Variants in OPCML observed in about 807,000 individuals in gnomAD.
OPCML encodes the protein opioid-binding protein/cell adhesion molecule.
Under a neutral mutation model 37.8 loss-of-function variants are expected in OPCML, and 13 were observed. The observed-to-expected ratio is 0.34, with a 90% CI of 0.22 to 0.55. OPCML has a LOEUF of 0.55. OPCML is among the 20% of genes least tolerant of loss of function. The pLI is 0.91. For missense variants in OPCML, 341 were observed against 435.6 expected (o/e 0.78, Z 1.93); for synonymous variants, 176 against 168.8 (o/e 1.04, Z -0.33).
chr11:132,681,016 CAAGA>C (rs2135851720), intron 2 of OPCML, among the ~76,000 whole-genome samples: 1 of 152,338 alleles, frequency 6.6e-6, no homozygotes, highest in South Asian at 2.1e-4. Flanking sequence ...CCCCTCCAGC[CAAGA>C]ATGGCTGGCA....
chr11:132,918,552 G>T (rs1014817520), intron 2 of OPCML, among the ~76,000 whole-genome samples: 2 of 152,140 alleles, frequency 1.3e-5, no homozygotes, highest in Admixed American at 6.5e-5. Flanking sequence ...TGTATCAAAA[G>T]CAGGGGTCTT....
intron 1 of OPCML, among the ~76,000 whole-genome samples, chr11:133,151,816 A>G (rs542378013): frequency 6.6e-6 from 1 of 152,214 alleles, no homozygotes; most frequent in East Asian, 1.9e-4. Flanking sequence ...TCTAGATTTC[A>G]GCAAAAATCT....
Position 132,651,394 on chromosome 11 carries a change from G to A in OPCML, c.379+5693C>T, listed in dbSNP as rs554438760. Among the ~76,000 whole-genome samples the A allele has an allele frequency of 1.8e-4, 28 of 152,262 alleles. No individual in the cohort carries two copies. The South Asian group carries it at 5.6e-3, about 30-fold the overall frequency. On this transcript the variant is annotated intron_variant, in intron 3 of 7. Transcript: ENST00000524381. ...GGGAAGCATAATCAAAAGAGATAAT[G>A]CATATAAAGTACCTTGTTAACTGTT...
intron 2 of OPCML, among the ~76,000 whole-genome samples, chr11:132,757,680 G>A (rs957408624): frequency 2.0e-5 from 3 of 152,046 alleles, no homozygotes; most frequent in African/African-American, 4.8e-5. Context: ...TAAGTTCCTT[G>A]TAGATTCGGG....
intron 1 of OPCML, among the ~76,000 whole-genome samples, chr11:133,312,358 A>AGG (rs1943084291): frequency 6.6e-6 from 1 of 152,220 alleles, no homozygotes; most frequent in Non-Finnish European, 1.5e-5. Flanking sequence ...CCGCATTGTG[A>AGG]GACTTGTTTC....
intron 3 of OPCML, among the ~76,000 whole-genome samples, chr11:132,615,579 C>A (rs1043008594): frequency 6.6e-6 from 1 of 151,894 alleles, no homozygotes; most frequent in Non-Finnish European, 1.5e-5. Flanking sequence ...GTAGCATTTA[C>A]ATTTATTAGG....
intron 1 of OPCML, among the ~76,000 whole-genome samples, chr11:132,965,630 T>C (rs1946196873): frequency 6.6e-6 from 1 of 152,154 alleles, no homozygotes; most frequent in Non-Finnish European, 1.5e-5. Flanking sequence ...CCTCCTGAGT[T>C]CAAGCGATTC....
intron 1 of OPCML, among the ~76,000 whole-genome samples, chr11:133,216,776 G>A (rs1939601265): frequency 6.6e-6 from 1 of 152,090 alleles, no homozygotes; most frequent in Non-Finnish European, 1.5e-5. Flanking sequence ...GTACATTCAT[G>A]CATATGAACA....
chr11:133,199,743 A>G (rs530956315), intron 1 of OPCML, among the ~76,000 whole-genome samples: 3 of 152,210 alleles, frequency 2.0e-5, no homozygotes, highest in African/African-American at 7.2e-5. Context: ...ATTAATGCTA[A>G]CTACCAACAC....
chr11:132,816,758 T>C (rs1591648368), intron 2 of OPCML, among the ~76,000 whole-genome samples: 1 of 152,182 alleles, frequency 6.6e-6, no homozygotes, highest in South Asian at 2.1e-4. Context: ...GCTTCTCTTG[T>C]TCATTTTAGG....
At position 132,847,410 on chromosome 11, in the gene OPCML, A is replaced by T. The variant is rs1941596497; in HGVS notation, c.146+95516T>A. Among the ~76,000 whole-genome samples, 3 of 152,220 alleles carry T rather than the reference A, an allele frequency of 2.0e-5. No homozygotes were observed. The East Asian group carries it at 5.8e-4, about 29-fold the overall frequency. On this transcript the variant is annotated intron_variant, in intron 2 of 7. Coordinates refer to ENST00000524381, the MANE Select transcript of OPCML (RefSeq NM_001012393.5). The stretch of plus-strand genomic sequence containing the variant: ...ATATTAATTTGTACGTAGTTATTCA[A>T]ATTAAAAACAGCAAGAAAGACCACA...
At chr11:133,436,392 C>T (rs1946234383) in intron 1 of OPCML, among the ~76,000 whole-genome samples, 1 of 152,162 alleles carries the variant, frequency 6.6e-6, no homozygotes, top group Non-Finnish European at 1.5e-5. Flanking sequence ...GATCGGTCCC[C>T]TCATCCCAAG....
intron 1 of OPCML, among the ~76,000 whole-genome samples, chr11:132,956,189 T>C (rs10894628): frequency 0.27 from 41,108 of 152,058 alleles, 6,092 homozygotes; most frequent in Admixed American, 0.33. Flanking sequence ...CAGTTTGTTT[T>C]GTGCCCATAC....
rs192525336 is a variant in OPCML, at chr11:133,394,468, T to C, written c.61+137796A>G. ...ATAATTAAATTATTTTTGACTATAG[T>C]CACCTTGTTGTACTGTCAAATAATA... is the stretch of plus-strand genomic sequence containing the variant. On this transcript the variant is annotated intron_variant, in intron 1 of 7. Coordinates refer to ENST00000524381, the MANE Select transcript of OPCML (RefSeq NM_001012393.5). Among the ~76,000 whole-genome samples the C allele has an allele frequency of 2.8e-3, 419 of 152,320 alleles. 1 individual carries two copies. Among genetic ancestry groups the C allele is most frequent in the Non-Finnish European group, 4.6e-3 (313 of 68,032 alleles).
intron 1 of OPCML, among the ~76,000 whole-genome samples, chr11:133,097,907 G>A (rs901549080): frequency 3.3e-5 from 5 of 152,128 alleles, no homozygotes; most frequent in Admixed American, 3.3e-4. Context: ...AGGCCCAGAT[G>A]GTTTCACCAG....
At chr11:132,957,602 T>G (rs1945999338) in intron 1 of OPCML, among the ~76,000 whole-genome samples, 1 of 152,216 alleles carries the variant, frequency 6.6e-6, no homozygotes, top group Non-Finnish European at 1.5e-5. Context: ...ACTGGGTATT[T>G]TACAAATTGA....
chr11:132,761,922 T>C (rs540030642), intron 2 of OPCML, among the ~76,000 whole-genome samples: 1 of 152,334 alleles, frequency 6.6e-6, no homozygotes, highest in South Asian at 2.1e-4. Flanking sequence ...CTTTTTGCAC[T>C]GGTTTTTCCT....
chr11:132,668,486 A>G (rs1475707111), intron 2 of OPCML, among the ~76,000 whole-genome samples: 1 of 152,188 alleles, frequency 6.6e-6, no homozygotes, highest in Non-Finnish European at 1.5e-5. Context: ...TCATGGCATT[A>G]CACAGTGCTA....
At chr11:132,924,127 A>ATGTGTG (rs10686395) in intron 2 of OPCML, among the ~76,000 whole-genome samples, 11,679 of 149,770 alleles carry the variant, frequency 0.078, 1,487 homozygotes, top group African/African-American at 0.27. Context: ...AAAAAAAACT[A>ATGTGTG]TGTGTGTGTG....
Sources: gnomAD v4.1 joint callset for allele counts (sites outside exome capture counted in the v4.1 genomes callset) on GRCh38, gnomAD v4.1.1 for gene constraint, MANE v1.5 for transcripts, NCBI Gene and HGNC (gene_info 2026-07-23, HGNC 2026-07-21) for gene names.